The following SEMA6D variants were observed in gnomAD, a reference collection of about 807,000 sequenced individuals.
The protein encoded by SEMA6D is semaphorin 6D, also known as semaphorin-6D.
Under a neutral mutation model 106.6 loss-of-function variants are expected in SEMA6D, and 35 were observed. The ratio of observed to expected loss-of-function variants is 0.33; its 90% CI spans 0.25 to 0.44. The LOEUF (loss-of-function observed/expected upper bound fraction) is 0.44. Among genes scored for constraint, SEMA6D ranks in the 20% least tolerant of loss-of-function variants. The pLI, the probability that SEMA6D is intolerant of heterozygous loss-of-function variation, is 1.00. For synonymous variants in SEMA6D, 499 were observed against 487.7 expected (o/e 1.02, Z -0.31); for missense variants, 1,185 against 1,345.9 (o/e 0.88, Z 1.87).
At chr15:47,512,084 G>T (rs572745225) in intron 3 of SEMA6D, among the ~76,000 whole-genome samples, 1 of 152,048 alleles carries the variant, frequency 6.6e-6, no homozygotes, top group Non-Finnish European at 1.5e-5. Context: ...GTCAACATCC[G>T]CACACGTAAA....
At chr15:47,260,008 TC>T (rs1164933971) in intron 1 of SEMA6D, among the ~76,000 whole-genome samples, 2 of 151,926 alleles carry the variant, frequency 1.3e-5, no homozygotes, top group Non-Finnish European at 2.9e-5. Flanking sequence ...TTTTTTTTTT[TC>T]CATTTTGGTT....
intron 4 of SEMA6D, among the ~76,000 whole-genome samples, chr15:47,620,155 A>G (rs138995129): frequency 0.011 from 1,628 of 152,326 alleles, 19 homozygotes; most frequent in South Asian, 0.047. Context: ...GCTTCTGTTA[A>G]TGTCATCTAA....
At chr15:47,430,019 G>T (rs1441006509) in intron 2 of SEMA6D, among the ~76,000 whole-genome samples, 1 of 152,028 alleles carries the variant, frequency 6.6e-6, no homozygotes, top group Non-Finnish European at 1.5e-5. Flanking sequence ...AAAGTAAGAG[G>T]CTCTTCCTAT....
intron 1 of SEMA6D, among the ~76,000 whole-genome samples, chr15:47,191,537 A>T (rs1893959524): frequency 6.6e-6 from 1 of 152,178 alleles, no homozygotes; most frequent in Non-Finnish European, 1.5e-5. Flanking sequence ...TTATCTTTTG[A>T]TTAGGAAACC....
Position 47,771,647 on chromosome 15 carries a change from G to C in SEMA6D, c.3084G>C (p.Gln1028His). The C allele has an allele frequency of 1.2e-6, 2 of 1,614,096 alleles. No individual in the cohort carries two copies. The highest frequency in any genetic ancestry group is 1.7e-6 in the Non-Finnish European group (2 of 1,179,976). The change falls in exon 19 of 19, where the codon CAG becomes CAC. Residue 1028 changes from glutamine to histidine, a missense_variant. Physicochemically the swap from Gln to His is conservative, Grantham distance 24 (BLOSUM62 0). This residue lies in a region of SEMA6D where 750 missense variants were observed against 783.5 expected (regional missense o/e 0.96). Coordinates refer to ENST00000536845, the MANE Select transcript of SEMA6D (RefSeq NM_001358351.3). The stretch of plus-strand genomic sequence containing the variant: ...ATCTGCAGCCTTCCCTCTCCAGACA[G>C]AGCAGCTACACCAGTAATGGCACTC... Reference protein sequence around the residue: ...SVHLQPSLSRQSSYTSNGTLP... With the variant: ...SVHLQPSLSRHSSYTSNGTLP...
chr15:47,430,689 GC>G (rs886760426), intron 2 of SEMA6D, among the ~76,000 whole-genome samples: 2 of 151,894 alleles, frequency 1.3e-5, no homozygotes, highest in African/African-American at 4.8e-5. Context: ...TTGCCACCCT[GC>G]CCCCATTTCT....
chr15:47,480,024 ATT>A (rs11419122), intron 3 of SEMA6D, among the ~76,000 whole-genome samples: 4 of 142,206 alleles, frequency 2.8e-5, no homozygotes, highest in South Asian at 2.3e-4. Context: ...CACCTGATTA[ATT>A]TTTTTTTTTT....
chr15:47,426,802 A>C (rs936268522), intron 2 of SEMA6D, among the ~76,000 whole-genome samples: 1 of 152,150 alleles, frequency 6.6e-6, no homozygotes, highest in Non-Finnish European at 1.5e-5. Context: ...TAATATCCTA[A>C]GGGCTGCTGT....
intron 4 of SEMA6D, among the ~76,000 whole-genome samples, chr15:47,700,308 T>G (rs1428639678): frequency 6.6e-6 from 1 of 152,158 alleles, no homozygotes; most frequent in East Asian, 1.9e-4. Context: ...GGAGGATCAC[T>G]TGAGGCCAGG....
intron 1 of SEMA6D, among the ~76,000 whole-genome samples, chr15:47,282,096 C>T (rs1424359251): frequency 6.6e-6 from 1 of 152,088 alleles, no homozygotes; most frequent in Non-Finnish European, 1.5e-5. Flanking sequence ...GTATCCTACT[C>T]TCTAAACACA....
At chr15:47,418,908 C>G (rs777694526) in intron 2 of SEMA6D, among the ~76,000 whole-genome samples, 5 of 152,106 alleles carry the variant, frequency 3.3e-5, no homozygotes, top group Admixed American at 3.3e-4. Context: ...AAATGTCAGT[C>G]ACATTAGACT....
chr15:47,405,559 G>T (rs117776031), intron 1 of SEMA6D, among the ~76,000 whole-genome samples: 12 of 152,156 alleles, frequency 7.9e-5, no homozygotes, highest in Non-Finnish European at 1.0e-4. Context: ...CCTATAAAAT[G>T]AATCAGTGCC....
At chr15:47,413,778 C>T (rs1040408431) in intron 2 of SEMA6D, among the ~76,000 whole-genome samples, 6 of 152,144 alleles carry the variant, frequency 3.9e-5, no homozygotes, top group Admixed American at 6.6e-5. Context: ...CCACTGCATT[C>T]GGCCACTAAT....
At chr15:47,216,917 C>A (rs2030672443) in intron 1 of SEMA6D, among the ~76,000 whole-genome samples, 1 of 152,090 alleles carries the variant, frequency 6.6e-6, no homozygotes, top group South Asian at 2.1e-4. Context: ...ATATTTGTGT[C>A]CCCCTAAATT....
At chr15:47,694,833 A>C (rs1566992743) in intron 4 of SEMA6D, among the ~76,000 whole-genome samples, 1 of 152,294 alleles carries the variant, frequency 6.6e-6, no homozygotes, top group South Asian at 2.1e-4. Flanking sequence ...ATGAAAAGTC[A>C]TGGCAGGGAA....
At chr15:47,663,407 T>C (rs2077965872) in intron 4 of SEMA6D, among the ~76,000 whole-genome samples, 1 of 152,210 alleles carries the variant, frequency 6.6e-6, no homozygotes, top group African/African-American at 2.4e-5. Flanking sequence ...TTACCTTATT[T>C]CCTGATCCTG....
At chr15:47,189,252 G>T (rs112751156) in intron 1 of SEMA6D, among the ~76,000 whole-genome samples, 1,907 of 152,206 alleles carry the variant, frequency 0.013, 38 homozygotes, top group African/African-American at 0.044. Flanking sequence ...ATTGACAGGT[G>T]TGACAATTCC....
chr15:47,602,198 G>A lies in SEMA6D; in HGVS notation c.-55+1302G>A, dbSNP rs965083701. Among the ~76,000 whole-genome samples, 6 of 152,256 alleles carry A rather than the reference G, an allele frequency of 3.9e-5. No individual in the cohort carries two copies. The East Asian group carries it at 1.2e-3, about 29-fold the overall frequency. On this transcript the variant is annotated intron_variant, in intron 4 of 19. Coordinates refer to the SEMA6D transcript ENST00000558014. Reference sequence around the variant, plus strand: ...TTCTATACAGTAACAAACAGGATTTGTGAGGCAATATAATGTTCTTCTTAA... The same window carrying A: ...TTCTATACAGTAACAAACAGGATTTATGAGGCAATATAATGTTCTTCTTAA...
chr15:47,398,252 T>A (rs993408721), intron 1 of SEMA6D, among the ~76,000 whole-genome samples: 4 of 152,236 alleles, frequency 2.6e-5, no homozygotes, highest in African/African-American at 9.6e-5. Context: ...TTTACTCCTT[T>A]TGACATATCC....
Sources: gnomAD v4.1 joint callset for allele counts (sites outside exome capture counted in the v4.1 genomes callset) on GRCh38, gnomAD v4.1.1 for gene constraint, gnomAD v4.1.1 regional missense constraint, MANE v1.5 for transcripts, NCBI Gene and HGNC (gene_info 2026-07-23, HGNC 2026-07-21) for gene names.